The following CDH22 variants were observed in gnomAD, a reference collection of about 807,000 sequenced individuals.
CDH22 encodes the protein cadherin-22.
Under a neutral mutation model 58.4 loss-of-function variants are expected in CDH22, and 30 were observed. That is an observed-to-expected ratio of 0.51 (90% confidence interval 0.38 to 0.70). The LOEUF (loss-of-function observed/expected upper bound fraction) is 0.70. Ranked by LOEUF, CDH22 falls within the 30% of genes least tolerant of loss-of-function variation. The pLI is 0.00. For missense variants in CDH22, 1,014 were observed against 1,233.9 expected, an observed-to-expected ratio of 0.82 and a Z score of 2.67; for synonymous variants, 513 against 558.2, an observed-to-expected ratio of 0.92 and a Z score of 1.14.
chr20:46,297,184 T>A (rs1325056798), intron 1 of CDH22, among the ~76,000 whole-genome samples: 1 of 151,850 alleles, frequency 6.6e-6, no homozygotes, highest in Non-Finnish European at 1.5e-5. Context: ...CAGGGGCTGC[T>A]CAAGGGCTCC....
chr20:46,256,810 G>A (rs1263405333), intron 1 of CDH22, among the ~76,000 whole-genome samples: 3 of 152,084 alleles, frequency 2.0e-5, no homozygotes, highest in Non-Finnish European at 4.4e-5. Flanking sequence ...AGAGCAGCCT[G>A]GGCAACATAT....
chr20:46,236,584 A>G (rs1361646979), intron 3 of CDH22, among the ~76,000 whole-genome samples: 2 of 142,952 alleles, frequency 1.4e-5, no homozygotes, highest in African/African-American at 5.1e-5. Flanking sequence ...ATATATAAAT[A>G]TAATATATAA....
chr20:46,209,994 TG>T (rs2086028377), intron 7 of CDH22: 1 of 299,754 alleles, frequency 3.3e-6, no homozygotes, highest in Non-Finnish European at 6.2e-6. Context: ...GGAGCCAGTG[TG>T]GCTGCAGCCA....
At chr20:46,299,671 G>A (rs2086642660) in intron 1 of CDH22, among the ~76,000 whole-genome samples, 1 of 152,190 alleles carries the variant, frequency 6.6e-6, no homozygotes, top group African/African-American at 2.4e-5. Context: ...AGTAGCTAGG[G>A]CTCATAGAGC....
chr20:46,251,277 T>G lies in CDH22; in HGVS notation c.18A>C (p.Glu6Asp), dbSNP rs2086371924. 6.8e-7 allele frequency: 1 copy of G among 1,460,856 alleles called. No homozygotes were observed. Among genetic ancestry groups the G allele is most frequent in the Non-Finnish European group, 9.0e-7 (1 of 1,113,234 alleles). The allele number at this position is 1,460,856 out of a possible 1,614,324, so 90.5% of individuals were successfully genotyped here. A position where few individuals can be genotyped will look rare whatever the true frequency, so the allele number is the denominator to read the frequency against. MRPRP[E>D]GRGLRAGVAL... ...CGACTCCCGCCCGGAGCCCCCTACC[T>G]TCGGGCCTCGGCCTCATCCTTGGCC... The change falls in exon 2 of 12, where the codon GAA (glutamate) becomes GAC (aspartate). Residue 6 changes from glutamate (E) to aspartate (D), a missense_variant. By Grantham distance (45) the Glu-to-Asp change is conservative (BLOSUM62 2). This residue lies in a region of CDH22 where 806 missense variants were observed against 1,038.7 expected (regional missense o/e 0.78). Transcript: ENST00000537909. The surrounding 1 kb of genome is among the most constrained non-coding windows in gnomAD (Gnocchi z 6.7).
At chr20:46,231,163 C>G (rs941403639) in intron 3 of CDH22, among the ~76,000 whole-genome samples, 2 of 152,156 alleles carry the variant, frequency 1.3e-5, no homozygotes, top group African/African-American at 4.8e-5. Context: ...CTGCCCAGCC[C>G]TTCTGCTAAG....
chr20:46,277,973 C>A (rs963097477), intron 1 of CDH22, among the ~76,000 whole-genome samples: 1 of 150,724 alleles, frequency 6.6e-6, no homozygotes, highest in Non-Finnish European at 1.5e-5. Flanking sequence ...TGAGAGGGGG[C>A]GAAAGTGTAG....
chr20:46,227,465 C>T, intron 4 of CDH22, 43 bp downstream of exon 4: 3 of 704,152 alleles, frequency 4.3e-6, no homozygotes, highest in Non-Finnish European at 6.9e-6. Flanking sequence ...CCGCCCCTGG[C>T]CCCGCCCCAC....
rs1221331292 is a variant in CDH22 at position 46,174,546 on chromosome 20, T to G, written c.2447A>C (p.Tyr816Ser). 3 of 1,523,268 alleles carry G rather than the reference T, an allele frequency of 2.0e-6. No individual in the cohort carries two copies. The African/African-American group carries it at 4.2e-5, about 21-fold the overall frequency. The allele number at this position is 1,523,268 out of a possible 1,614,324, so 94.4% of individuals were successfully genotyped here. Residue 816 changes from tyrosine to serine, a missense_variant, in exon 12 of 12, where the codon TAC becomes TCC. Physicochemically the swap from Tyr to Ser is moderately radical, Grantham distance 144. Transcript: ENST00000537909. This position sits in a 1 kb window ranked among gnomAD's most constrained non-coding sequence, Gnocchi z 4.4. ...CTCGTCGTCCCCGCGGTGGCCGGCG[T>G]AGAGCGCGGCCAGGGGCCGGAAGCG... ...GPRFRPLAAL[Y>S]AGHRGDDEAQ...
chr20:46,189,129 G>A (rs2085846414), intron 8 of CDH22, among the ~76,000 whole-genome samples: 1 of 152,150 alleles, frequency 6.6e-6, no homozygotes, highest in Admixed American at 6.5e-5. Context: ...CGGCGGTCAG[G>A]AAAAGGAGGG....
intron 2 of CDH22, among the ~76,000 whole-genome samples, chr20:46,247,650 C>T (rs1017215655): frequency 6.6e-5 from 10 of 152,186 alleles, no homozygotes; most frequent in African/African-American, 1.7e-4. Flanking sequence ...AATCCCCCAT[C>T]GAGAGATACT....
intron 1 of CDH22, among the ~76,000 whole-genome samples, chr20:46,260,051 A>T (rs1237211020): frequency 6.6e-6 from 1 of 151,794 alleles, no homozygotes; most frequent in East Asian, 1.9e-4. Flanking sequence ...TAGGAGCCAG[A>T]CTCCTCTCCC....
chr20:46,261,462 A>G (rs2086432686), intron 1 of CDH22, among the ~76,000 whole-genome samples: 1 of 152,210 alleles, frequency 6.6e-6, no homozygotes, highest in South Asian at 2.1e-4. Flanking sequence ...TGCACAGGGT[A>G]TGGGAGTTGC....
Position 46,251,190 on chromosome 20 carries a change from G to C in CDH22, c.105C>G (p.Arg35=), listed in dbSNP as rs1406251094. The C allele has an allele frequency of 1.3e-6, 2 of 1,519,544 alleles. No individual in the cohort carries two copies. Among genetic ancestry groups the C allele is most frequent in the Non-Finnish European group, 1.8e-6 (2 of 1,135,348 alleles). 94.1% of individuals were successfully genotyped at this position (1,519,544 alleles called of 1,614,324 possible). The change falls in exon 2 of 12, where the codon CGC becomes CGG. Residue 35 remains arginine, a synonymous_variant. Transcript: ENST00000537909. The surrounding 1 kb of genome is among the most constrained non-coding windows in gnomAD (Gnocchi z 6.7). ...LLPPPPTLLG[R]LWAAGTPSPS... ...GCGAGGGTGTGCCCGCTGCCCACAG[G>C]CGCCCCAGCAGCGTCGGCGGCGGCG... is the stretch of plus-strand genomic sequence containing the variant.
At chr20:46,227,772 A>G in intron 3 of CDH22, 145 bp from the exon 4 acceptor site, 1 of 1,211,912 alleles carries the variant, frequency 8.3e-7, no homozygotes, top group Non-Finnish European at 1.1e-6. Context: ...CACGGTCCCC[A>G]TCCCCACTCT....
At chr20:46,243,775 G>T (rs1479612123) in intron 2 of CDH22, among the ~76,000 whole-genome samples, 1 of 152,160 alleles carries the variant, frequency 6.6e-6, no homozygotes, top group Non-Finnish European at 1.5e-5. Context: ...AAACACTTCT[G>T]AGCAGTGTGG....
chr20:46,298,960 T>C (rs1272294761), intron 1 of CDH22, among the ~76,000 whole-genome samples: 2 of 152,132 alleles, frequency 1.3e-5, no homozygotes, highest in Non-Finnish European at 2.9e-5. Context: ...CCCACTTATC[T>C]CCTGGACAAT....
At chr20:46,224,259 C>T (rs1471475299) in intron 4 of CDH22, among the ~76,000 whole-genome samples, 2 of 152,218 alleles carry the variant, frequency 1.3e-5, no homozygotes, top group African/African-American at 4.8e-5. Flanking sequence ...ATATTCTCTA[C>T]TTCAATAAAA....
At chr20:46,256,405 A>G (rs1219127904) in intron 1 of CDH22, among the ~76,000 whole-genome samples, 1 of 152,234 alleles carries the variant, frequency 6.6e-6, no homozygotes, top group Admixed American at 6.5e-5. Context: ...AGATTTAAAC[A>G]GAGATCTGAA....
Sources: allele counts gnomAD v4.1 joint callset (sites outside exome capture counted in the v4.1 genomes callset), GRCh38; gene constraint gnomAD v4.1.1; regional missense constraint gnomAD v4.1.1; non-coding constraint Gnocchi (gnomAD v3.1); transcripts MANE v1.5; gene names NCBI Gene and HGNC (gene_info 2026-07-23, HGNC 2026-07-21).